Variants in SUGCT observed in about 807,000 individuals in gnomAD.
SUGCT encodes succinyl-CoA:glutarate-CoA transferase, also known as succinyl-CoA:glutarate CoA-transferase.
SUGCT carries 41 observed loss-of-function variants against 55.0 expected under a neutral mutation model. That is an observed-to-expected ratio of 0.74 (90% CI 0.58 to 0.97). The LOEUF (loss-of-function observed/expected upper bound fraction) is 0.97. Ranked by LOEUF, SUGCT falls within the 50% of genes least tolerant of loss-of-function variation. SUGCT has a pLI of 0.00. For missense variants in SUGCT, 568 were observed against 547.8 expected (o/e 1.04, Z -0.37); for synonymous variants, 187 against 200.4 (o/e 0.93, Z 0.56).
At chr7:40,777,478 T>G (rs1304886303) in intron 13 of SUGCT, among the ~76,000 whole-genome samples, 1 of 152,050 alleles carries the variant, frequency 6.6e-6, no homozygotes, top group Non-Finnish European at 1.5e-5. Context: ...TCAGTTCACT[T>G]TTTTGGGTCA....
At position 40,267,913 on chromosome 7, in the gene SUGCT, AG is replaced by A. The variant is rs1791713032; in HGVS notation, c.577-6599del. Among the ~76,000 whole-genome samples, 6 of 152,294 alleles carry A rather than the reference AG, an allele frequency of 3.9e-5. No homozygotes were observed. The South Asian group carries it at 1.2e-3, about 32-fold the overall frequency. ...AAGGAGTGAATGGTACCCCTTCTTT[AG>A]TTATTGTTACCCTTGACTGAAATAA... On this transcript the variant is annotated intron_variant, in intron 7 of 13. Transcript: ENST00000335693.
intron 13 of SUGCT, among the ~76,000 whole-genome samples, chr7:40,832,983 CCTACTT>C (rs1024388725): frequency 3.3e-5 from 5 of 151,940 alleles, no homozygotes; most frequent in African/African-American, 2.4e-5. Context: ...CTCTTCCACT[CCTACTT>C]CTATTCTGCA....
intron 12 of SUGCT, among the ~76,000 whole-genome samples, chr7:40,747,561 C>T (rs149899080): frequency 3.9e-4 from 60 of 152,312 alleles, no homozygotes; most frequent in African/African-American, 1.4e-3. Context: ...ATAGCTGCCA[C>T]TCTTTGGGAT....
At chr7:40,489,247 GT>G (rs34447989) in intron 11 of SUGCT, among the ~76,000 whole-genome samples, 1,381 of 134,744 alleles carry the variant, frequency 0.01, 19 homozygotes, top group African/African-American at 0.03. Flanking sequence ...CTCTATTGCA[GT>G]TTTTTTTTTT....
rs1003353884 is a variant in SUGCT at position 40,272,068 on chromosome 7, G to T, written c.577-2445G>T. On this transcript the variant is annotated intron_variant, in intron 7 of 13. Transcript: ENST00000335693. Reference sequence around the variant, plus strand: ...AATAATATTCCTCTCTCTCTGTCTCGCTCTCTCTCTCTCTCTCTCTCTCTC... The same window carrying T: ...AATAATATTCCTCTCTCTCTGTCTCTCTCTCTCTCTCTCTCTCTCTCTCTC... Among the ~76,000 whole-genome samples the T allele has an allele frequency of 7.7e-4, 72 of 92,988 alleles. 2 individuals are homozygous for T. The highest frequency in any genetic ancestry group is 2.3e-3 in the African/African-American group (58 of 25,360). The allele number at this position is 92,988 out of a possible 152,430, so 61.0% of individuals were successfully genotyped here. A position where few individuals can be genotyped will look rare whatever the true frequency, so the allele number is the denominator to read the frequency against.
intron 13 of SUGCT, among the ~76,000 whole-genome samples, chr7:40,830,005 C>G (rs777912649): frequency 1.1e-4 from 16 of 152,166 alleles, no homozygotes; most frequent in Non-Finnish European, 2.2e-4. Context: ...GTAAAAAGGA[C>G]AACAATTTGA....
At chr7:40,747,224 G>C (rs1189708139) in intron 12 of SUGCT, among the ~76,000 whole-genome samples, 1 of 152,156 alleles carries the variant, frequency 6.6e-6, no homozygotes, top group Non-Finnish European at 1.5e-5. Flanking sequence ...GGTTGACATC[G>C]TTGTTTAAAG....
intron 12 of SUGCT, among the ~76,000 whole-genome samples, chr7:40,720,551 C>T (rs1786273178): frequency 6.6e-6 from 1 of 152,062 alleles, no homozygotes; most frequent in African/African-American, 2.4e-5. Context: ...TATTTGGGGC[C>T]CTTCAGTGGA....
the SUGCT span, among the ~76,000 whole-genome samples, chr7:40,869,194 G>A: frequency 2.3e-3 from 346 of 152,246 alleles, 1 homozygote; most frequent in African/African-American, 7.9e-3. Flanking sequence ...TGTAATGAAG[G>A]TCCAAAATCA....
chr7:40,592,377 A>G (rs1013386296), intron 12 of SUGCT, among the ~76,000 whole-genome samples: 5 of 152,180 alleles, frequency 3.3e-5, no homozygotes, highest in South Asian at 2.1e-4. Flanking sequence ...TCCTTAGAGC[A>G]CTGGTTGTTT....
At chr7:41,021,001 C>A in the SUGCT span, among the ~76,000 whole-genome samples, 61 of 152,278 alleles carry the variant, frequency 4.0e-4, no homozygotes, top group East Asian at 0.011. Context: ...CCTGTGGCCT[C>A]CGTGAGGCAC....
chr7:40,532,572 T>G (rs1794158937), intron 12 of SUGCT, among the ~76,000 whole-genome samples: 1 of 137,608 alleles, frequency 7.3e-6, no homozygotes. Flanking sequence ...GTGTGTGTAT[T>G]TGCTGTGTTT....
intron 13 of SUGCT, among the ~76,000 whole-genome samples, chr7:40,781,263 A>T (rs907855067): frequency 6.6e-6 from 1 of 152,220 alleles, no homozygotes; most frequent in African/African-American, 2.4e-5. Context: ...ATAAATTTCC[A>T]TCTTACATTC....
At chr7:40,445,640 C>G (rs867758088) in intron 9 of SUGCT, among the ~76,000 whole-genome samples, 1 of 152,124 alleles carries the variant, frequency 6.6e-6, no homozygotes, top group African/African-American at 2.4e-5. Flanking sequence ...CTCCCTAACT[C>G]ATTTTATGAG....
chr7:40,281,619 G>A (rs1209984355), intron 8 of SUGCT, among the ~76,000 whole-genome samples: 2 of 152,078 alleles, frequency 1.3e-5, no homozygotes, highest in East Asian at 1.9e-4. Context: ...CCTTCATTCT[G>A]TTAATGAATC....
chr7:40,452,148 G>T (rs1789226477), intron 10 of SUGCT, among the ~76,000 whole-genome samples: 1 of 152,218 alleles, frequency 6.6e-6, no homozygotes, highest in Admixed American at 6.5e-5. Flanking sequence ...TGGAGTGGGA[G>T]CAAGAATATT....
intron 9 of SUGCT, among the ~76,000 whole-genome samples, chr7:40,444,206 G>C (rs1788682029): frequency 6.6e-6 from 1 of 152,102 alleles, no homozygotes; most frequent in Non-Finnish European, 1.5e-5. Context: ...GGCAATGCGG[G>C]CTCTTTTTTG....
In SUGCT at chr7:40,549,521, T is replaced by C. The variant is rs149095276; in HGVS notation, c.1089+53135T>C. Among the ~76,000 whole-genome samples, 841 of 152,248 alleles carry C rather than the reference T, an allele frequency of 5.5e-3. 6 individuals carry two copies. Among genetic ancestry groups the C allele is most frequent in the African/African-American group, 0.019 (809 of 41,544 alleles). On this transcript the variant is annotated intron_variant, in intron 12 of 13. Coordinates refer to ENST00000335693, the MANE Select transcript of SUGCT (RefSeq NM_001193313.2). The stretch of plus-strand genomic sequence containing the variant: ...AGGAATTTATTATCTAGTGTGAACA[T>C]TGGACACACACAACTCTCTAGTATG...
At chr7:40,411,932 A>G (rs1301459679) in intron 9 of SUGCT, among the ~76,000 whole-genome samples, 1 of 109,030 alleles carries the variant, frequency 9.2e-6, no homozygotes, top group Non-Finnish European at 1.8e-5. Flanking sequence ...AAATTATTCA[A>G]AAAAGGAAAA....
Sources: gnomAD v4.1 joint callset for allele counts (sites outside exome capture counted in the v4.1 genomes callset) on GRCh38, gnomAD v4.1.1 for gene constraint, MANE v1.5 for transcripts, NCBI Gene and HGNC (gene_info 2026-07-23, HGNC 2026-07-21) for gene names.